The following DACH1 variants were observed in gnomAD, a reference collection of about 807,000 sequenced individuals.
DACH1 encodes the protein dachshund homolog 1.
In DACH1, 12 loss-of-function variants were observed where a neutral mutation model predicts 54.2. The observed-to-expected ratio is 0.22, with a 90% CI of 0.14 to 0.36. DACH1 has a LOEUF of 0.36. Ranked by LOEUF, DACH1 falls within the 10% of genes least tolerant of loss-of-function variation. The pLI, the probability that DACH1 is intolerant of heterozygous loss-of-function variation, is 1.00. For missense variants in DACH1, 805 were observed against 929.8 expected (o/e 0.87, Z 1.75); for synonymous variants, 386 against 366.2 (o/e 1.05, Z -0.62).
intron 1 of DACH1, among the ~76,000 whole-genome samples, chr13:71,812,299 C>G (rs1021359292): frequency 4.6e-5 from 7 of 152,162 alleles, no homozygotes; most frequent in Non-Finnish European, 1.0e-4. Context: ...ACAGTACATT[C>G]TGATATGTTT....
intron 1 of DACH1, among the ~76,000 whole-genome samples, chr13:71,823,521 C>A (rs1251923749): frequency 6.6e-6 from 1 of 151,980 alleles, no homozygotes; most frequent in Admixed American, 6.6e-5. Flanking sequence ...CAATCCAAAT[C>A]ATCATATAAT....
intron 6 of DACH1, among the ~76,000 whole-genome samples, chr13:71,541,857 AT>A (rs1480736524): frequency 6.6e-6 from 1 of 151,070 alleles, no homozygotes; most frequent in Non-Finnish European, 1.5e-5. Flanking sequence ...AACATTTAAC[AT>A]CCTTTAGCTT....
At position 71,809,396 on chromosome 13, in the gene DACH1, C is replaced by G. The variant is rs80207917; in HGVS notation, c.848+56526G>C. Among the ~76,000 whole-genome samples the G allele has an allele frequency of 6.8e-3, 1,035 of 152,192 alleles. 10 individuals carry two copies. The highest frequency in any genetic ancestry group is 0.022 in the African/African-American group (902 of 41,520). Reference sequence around the variant, plus strand: ...ATGTTGCCCAGGCTTGTCTCGAACACCTGGGCTCAAGTGATCCTCCCACTT... The same window carrying G: ...ATGTTGCCCAGGCTTGTCTCGAACAGCTGGGCTCAAGTGATCCTCCCACTT... On this transcript the variant is annotated intron_variant, in intron 1 of 10. Transcript: ENST00000613252.
At chr13:71,779,110 TAC>T (rs1555321946) in intron 1 of DACH1, among the ~76,000 whole-genome samples, 4 of 127,640 alleles carry the variant, frequency 3.1e-5, no homozygotes, top group Admixed American at 3.1e-4. Context: ...TATATATATA[TAC>T]ATATATACAC....
chr13:71,626,162 T>C (rs2138556575), intron 3 of DACH1, among the ~76,000 whole-genome samples: 1 of 152,080 alleles, frequency 6.6e-6, no homozygotes, highest in Admixed American at 6.6e-5. Flanking sequence ...TATTTATCTT[T>C]AAAGAGTTAC....
At chr13:71,518,291 T>C (rs911101866) in intron 6 of DACH1, among the ~76,000 whole-genome samples, 3 of 151,538 alleles carry the variant, frequency 2.0e-5, no homozygotes, top group Admixed American at 1.3e-4. Flanking sequence ...GGAAAGGCCA[T>C]ATGAGGACAC....
intron 1 of DACH1, among the ~76,000 whole-genome samples, chr13:71,688,711 C>T (rs1881313132): frequency 1.3e-5 from 2 of 152,172 alleles, no homozygotes; most frequent in Non-Finnish European, 2.9e-5. Context: ...ACACTTTCAG[C>T]TTATTGGCTC....
chr13:71,658,962 C>A (rs1879320140), intron 2 of DACH1, among the ~76,000 whole-genome samples: 2 of 152,042 alleles, frequency 1.3e-5, no homozygotes, highest in Non-Finnish European at 2.9e-5. Context: ...TGAATATTAG[C>A]CCAATTTTTA....
chr13:71,705,139 A>G (rs1188871112), intron 1 of DACH1, among the ~76,000 whole-genome samples: 1 of 152,200 alleles, frequency 6.6e-6, no homozygotes, highest in African/African-American at 2.4e-5. Context: ...GCTGTTCAAG[A>G]TATAAGGTGT....
Position 71,826,902 on chromosome 13 carries a change from G to C in DACH1, c.848+39020C>G, listed in dbSNP as rs183058618. ...CTTCATTTACTATTAGCTGGAATAG[G>C]GAAGCATCAGTAATCCTGAACCAAA... is the stretch of plus-strand genomic sequence containing the variant. On this transcript the variant is annotated intron_variant, in intron 1 of 10. Transcript: ENST00000613252. 5.3e-5 allele frequency among the ~76,000 whole-genome samples: 8 copies of C among 152,000 alleles called. No individual in the cohort carries two copies. The East Asian group carries it at 9.7e-4, about 18-fold the overall frequency.
chr13:71,791,575 G>A lies in DACH1; in HGVS notation c.848+74347C>T, dbSNP rs376890900. Among the ~76,000 whole-genome samples, 26 of 152,190 alleles carry A rather than the reference G, an allele frequency of 1.7e-4. No homozygotes were observed. The East Asian group carries it at 3.3e-3, about 19-fold the overall frequency. ...TTTTGTGTATTTTTAGTAGACATGGGGTTTCACCATGTTGGCCAGAGTGGT... is the reference window on the plus strand; with the variant it reads ...TTTTGTGTATTTTTAGTAGACATGGAGTTTCACCATGTTGGCCAGAGTGGT... On this transcript the variant is annotated intron_variant, in intron 1 of 10. Coordinates refer to ENST00000613252, the MANE Select transcript of DACH1 (RefSeq NM_080759.6).
chr13:71,524,465 C>T (rs1420020461), intron 6 of DACH1, among the ~76,000 whole-genome samples: 2 of 151,892 alleles, frequency 1.3e-5, no homozygotes, highest in African/African-American at 4.8e-5. Flanking sequence ...TTAAATGGGG[C>T]GAGATGAAGT....
intron 1 of DACH1, among the ~76,000 whole-genome samples, chr13:71,850,308 T>TA (rs752692746): frequency 5.3e-5 from 8 of 152,324 alleles, no homozygotes; most frequent in Middle Eastern, 3.4e-3. Flanking sequence ...AGCTCTACTT[T>TA]AAAACAGAGT....
chr13:71,655,532 G>A (rs531624674), intron 2 of DACH1, among the ~76,000 whole-genome samples: 1 of 151,600 alleles, frequency 6.6e-6, no homozygotes, highest in South Asian at 2.1e-4. Flanking sequence ...CACCATGCCC[G>A]GCTAATTTTG....
intron 1 of DACH1, among the ~76,000 whole-genome samples, chr13:71,744,215 C>T (rs1884515352): frequency 6.6e-6 from 1 of 152,272 alleles, no homozygotes; most frequent in Non-Finnish European, 1.5e-5. Flanking sequence ...AACTGACTAC[C>T]TCATAACATA....
intron 1 of DACH1, among the ~76,000 whole-genome samples, chr13:71,760,654 T>A (rs1202628459): frequency 6.6e-6 from 1 of 152,156 alleles, no homozygotes; most frequent in African/African-American, 2.4e-5. Flanking sequence ...AATGAAAAAA[T>A]AGATACTGGC....
At chr13:71,446,945 C>T (rs766376825) in intron 10 of DACH1, among the ~76,000 whole-genome samples, 6 of 152,160 alleles carry the variant, frequency 3.9e-5, no homozygotes, top group Non-Finnish European at 8.8e-5. Flanking sequence ...CATGGGAGTA[C>T]TTAATTAAAA....
intron 1 of DACH1, among the ~76,000 whole-genome samples, chr13:71,703,590 A>C (rs1882274494): frequency 6.6e-6 from 1 of 152,258 alleles, no homozygotes; most frequent in Non-Finnish European, 1.5e-5. Flanking sequence ...TGTGATACTT[A>C]AAATGAAGAG....
intron 3 of DACH1, among the ~76,000 whole-genome samples, chr13:71,593,153 T>C (rs79154029): frequency 0.017 from 2,529 of 152,230 alleles, 24 homozygotes; most frequent in Middle Eastern, 0.071. Context: ...GGGATTTATT[T>C]TTAATTTTAT....
Sources: allele counts gnomAD v4.1 joint callset (sites outside exome capture counted in the v4.1 genomes callset), GRCh38; gene constraint gnomAD v4.1.1; transcripts MANE v1.5; gene names NCBI Gene and HGNC (gene_info 2026-07-23, HGNC 2026-07-21).